The following CD72 variants were observed in gnomAD, a reference collection of about 807,000 sequenced individuals.
CD72 encodes the protein CD72 molecule.
A neutral mutation model predicts 50.7 loss-of-function variants in CD72; 28 were observed. That is an observed-to-expected ratio of 0.55 (90% CI 0.41 to 0.76). The LOEUF (loss-of-function observed/expected upper bound fraction) is 0.76. Among genes scored for constraint, CD72 ranks in the 30% least tolerant of loss-of-function variants. The pLI is 0.00. For missense variants in CD72, 403 were observed against 420.6 expected (o/e 0.96, Z 0.37); for synonymous variants, 176 against 171.2 (o/e 1.03, Z -0.22).
chr9:35,611,970 A>G, intron 6 of CD72, 51 bp from the exon 7 acceptor site: 3 of 973,196 alleles, frequency 3.1e-6, no homozygotes, highest in Non-Finnish European at 3.4e-6. Flanking sequence ...GATGAGAAAT[A>G]TGGAAGAAAA....
Position 35,610,799 on chromosome 9 carries a change from C to T in CD72, c.951-46G>A, listed in dbSNP as rs758491717. 9 of 1,530,552 alleles carry T rather than the reference C, an allele frequency of 5.9e-6. No individual in the cohort carries two copies. In the South Asian group the frequency reaches 1.0e-4, roughly 17 times the overall value. The allele number at this position is 1,530,552 out of a possible 1,614,324, so 94.8% of individuals were successfully genotyped here. ...GCTGGGATATGCTCTGGACATATCC[C>T]ACCCTCCCTTCTCTCCCCTTCCCCT... On this transcript the variant is annotated intron_variant, in intron 7 of 8. Transcript: ENST00000259633.
upstream of CD72, among the ~76,000 whole-genome samples, chr9:35,623,817 G>A (rs1358394219): frequency 6.6e-6 from 1 of 152,188 alleles, no homozygotes; most frequent in Admixed American, 6.5e-5. Flanking sequence ...AGGAGGCTGA[G>A]GCAAGAGAAT....
At chr9:35,627,883 T>C (rs1823210634) in intron 1 of CD72, among the ~76,000 whole-genome samples, 2 of 152,064 alleles carry the variant, frequency 1.3e-5, no homozygotes, top group African/African-American at 4.8e-5. Context: ...TCACCCAGGC[T>C]GGAGTACAGT....
chr9:35,616,946 A>G, intron 3 of CD72: 2 of 1,392,676 alleles, frequency 1.4e-6, no homozygotes, highest in Non-Finnish European at 1.9e-6. Context: ...TCAGACGGAG[A>G]GAGGGGAAGG....
intron 1 of CD72, among the ~76,000 whole-genome samples, chr9:35,632,395 C>T (rs907081570): frequency 2.0e-5 from 3 of 151,974 alleles, no homozygotes; most frequent in East Asian, 3.9e-4. Context: ...TGGTCTTGAC[C>T]TCCTGACCTC....
intron 1 of CD72, among the ~76,000 whole-genome samples, chr9:35,627,099 A>C (rs1823202246): frequency 6.6e-6 from 1 of 150,886 alleles, no homozygotes; most frequent in African/African-American, 2.4e-5. Flanking sequence ...CGGCCTCCCA[A>C]AGTGATCGGA....
chr9:35,618,674 C>A, upstream of CD72: 1 of 822,718 alleles, frequency 1.2e-6, no homozygotes, highest in Non-Finnish European at 1.7e-6. Flanking sequence ...CTGCCCTGAT[C>A]TGCCCCACCC....
chr9:35,642,476 A>G (rs12684943), intron 1 of CD72: 7,227 of 152,298 alleles, frequency 0.047, 417 homozygotes, highest in East Asian at 0.31. Context: ...TCCGTAAACA[A>G]TGGGGCCAAC....
upstream of CD72, among the ~76,000 whole-genome samples, chr9:35,622,487 G>T (rs992620150): frequency 1.3e-5 from 2 of 152,148 alleles, no homozygotes; most frequent in African/African-American, 2.4e-5. Context: ...ACCACAGAAT[G>T]AAATGTCATA....
intron 1 of CD72, among the ~76,000 whole-genome samples, chr9:35,635,702 G>A (rs1177570589): frequency 6.6e-6 from 1 of 152,230 alleles, no homozygotes. Context: ...AGACCCAGAA[G>A]AGTCATGATT....
intron 7 of CD72, 95 bp from the exon 8 acceptor site, chr9:35,610,848 A>G: frequency 3.0e-6 from 3 of 991,984 alleles, no homozygotes; most frequent in Non-Finnish European, 4.6e-6. Context: ...ATCCTAACTC[A>G]CCCTGCCTGC....
At chr9:35,630,889 C>T (rs1823240596) in intron 1 of CD72, among the ~76,000 whole-genome samples, 1 of 152,134 alleles carries the variant, frequency 6.6e-6, no homozygotes, top group African/African-American at 2.4e-5. Flanking sequence ...CATGGCAAAA[C>T]GCCCGTCTCT....
chr9:35,614,246 T>C (rs1823036273), intron 5 of CD72, among the ~76,000 whole-genome samples: 1 of 152,264 alleles, frequency 6.6e-6, no homozygotes, highest in Non-Finnish European at 1.5e-5. Context: ...ATGTATTCCA[T>C]AACTGTTTAT....
At position 35,618,260 on chromosome 9, in the gene CD72, G is replaced by A; in HGVS notation, c.44C>T (p.Ala15Val). The change falls in exon 1 of 9, where the codon GCT (alanine) becomes GTT (valine). Residue 15 changes from alanine to valine, a missense_variant. Ala to Val is a moderately conservative substitution (Grantham distance 64, BLOSUM62 0). Coordinates refer to ENST00000259633, the MANE Select transcript of CD72 (RefSeq NM_001782.3). The stretch of plus-strand genomic sequence containing the variant: ...GCTGGAGATGCTCTTCTTCAGGGGA[G>A]CCTTCACAAACCTCAGATCTGCATA... ...ITYADLRFVK[A>V]PLKKSISSRL... 2 of 1,614,152 alleles carry A rather than the reference G, an allele frequency of 1.2e-6. No individual in the cohort carries two copies. Among genetic ancestry groups the A allele is most frequent in the Non-Finnish European group, 1.7e-6 (2 of 1,180,010 alleles).
chr9:35,634,246 C>A lies in CD72; in HGVS notation n.408+12157G>T, dbSNP rs138305156. Among the ~76,000 whole-genome samples, 6 of 152,132 alleles carry A rather than the reference C, an allele frequency of 3.9e-5. No individual in the cohort carries two copies. In the East Asian group the frequency reaches 1.2e-3, roughly 29 times the overall value. On this transcript the variant is annotated intron_variant and non_coding_transcript_variant, in intron 1 of 3. Coordinates refer to the CD72 transcript ENST00000465754. ...TCTATTAATAGTTACCATCCCTGTC[C>A]CTGCTCTCAGATAGATACACATGAC...
At chr9:35,635,474 G>A (rs980267368) in intron 1 of CD72, among the ~76,000 whole-genome samples, 1 of 152,112 alleles carries the variant, frequency 6.6e-6, no homozygotes, top group African/African-American at 2.4e-5. Context: ...CCTCTCCTTT[G>A]ATTTATCAAT....
chr9:35,636,322 T>A (rs1007852556), intron 1 of CD72, among the ~76,000 whole-genome samples: 1 of 152,208 alleles, frequency 6.6e-6, no homozygotes, highest in African/African-American at 2.4e-5. Context: ...TTGACTTTTT[T>A]TTTAACCACG....
chr9:35,631,095 T>G (rs1253217789), intron 1 of CD72, among the ~76,000 whole-genome samples: 1 of 152,194 alleles, frequency 6.6e-6, no homozygotes, highest in Non-Finnish European at 1.5e-5. Flanking sequence ...TAACTCTAAA[T>G]TGAAACTGCT....
At chr9:35,632,299 C>T (rs2131783588) in intron 1 of CD72, among the ~76,000 whole-genome samples, 1 of 151,432 alleles carries the variant, frequency 6.6e-6, no homozygotes, top group South Asian at 2.1e-4. Flanking sequence ...CTCAGCCTCC[C>T]GAGTAGCTGG....
Sources: allele counts gnomAD v4.1 joint callset (sites outside exome capture counted in the v4.1 genomes callset), GRCh38; gene constraint gnomAD v4.1.1; transcripts MANE v1.5; gene names NCBI Gene and HGNC (gene_info 2026-07-23, HGNC 2026-07-21).